Variants in TMEFF2 observed in about 807,000 individuals in gnomAD.
The protein encoded by TMEFF2 is tomoregulin-2.
A neutral mutation model predicts 53.8 loss-of-function variants in TMEFF2; 28 were observed. The ratio of observed to expected loss-of-function variants is 0.52; its 90% CI spans 0.39 to 0.71. The LOEUF (loss-of-function observed/expected upper bound fraction) is 0.71, where lower values mean the gene tolerates loss of function less well. TMEFF2 is among the 30% of genes least tolerant of loss of function. The probability of loss-of-function intolerance (pLI) is 0.00; values close to 1 mark genes in which losing one functional copy is unlikely to be tolerated. For missense variants in TMEFF2, 353 were observed against 455.2 expected, an observed-to-expected ratio of 0.78 and a Z score of 2.04; for synonymous variants, 162 against 166.3, an observed-to-expected ratio of 0.97 and a Z score of 0.20.
intron 7 of TMEFF2, among the ~76,000 whole-genome samples, chr2:191,971,628 A>T (rs1344484158): frequency 6.6e-6 from 1 of 152,168 alleles, no homozygotes; most frequent in East Asian, 1.9e-4. Context: ...AGGTTTCTAA[A>T]TTTACTAGAG....
At chr2:192,190,947 G>C (rs763954244) in intron 2 of TMEFF2, among the ~76,000 whole-genome samples, 1 of 151,750 alleles carries the variant, frequency 6.6e-6, no homozygotes, top group Non-Finnish European at 1.5e-5. Context: ...TTTTGTTTAT[G>C]TGCATATTTC....
At chr2:192,047,885 A>G (rs2105892850) in intron 5 of TMEFF2, among the ~76,000 whole-genome samples, 1 of 152,304 alleles carries the variant, frequency 6.6e-6, no homozygotes, top group South Asian at 2.1e-4. Flanking sequence ...CATACAATAT[A>G]TTACTATTTG....
intron 2 of TMEFF2, among the ~76,000 whole-genome samples, chr2:192,186,334 A>C (rs1182785875): frequency 1.3e-5 from 2 of 152,114 alleles, no homozygotes; most frequent in Admixed American, 6.5e-5. Context: ...GCAGGAGCAA[A>C]ATGCCTGTAA....
In TMEFF2 at chr2:192,075,328, T is replaced by TACAC. The variant is rs1460685761; in HGVS notation, c.440-17554_440-17553insGTGT. 7.9e-4 allele frequency among the ~76,000 whole-genome samples: 72 copies of TACAC among 90,752 alleles called. 3 individuals carry two copies. Among genetic ancestry groups the TACAC allele is most frequent in the African/African-American group, 2.6e-3 (59 of 22,588 alleles). The allele number at this position is 90,752 out of a possible 152,430, so 59.5% of individuals were successfully genotyped here. The stretch of plus-strand genomic sequence containing the variant: ...ATATATATATATATATATATATATA[T>TACAC]ATATACATACATACTATGTATATCC... On this transcript the variant is annotated intron_variant, in intron 4 of 9. Transcript: ENST00000272771.
chr2:192,144,215 T>C (rs747347520), intron 4 of TMEFF2, among the ~76,000 whole-genome samples: 17 of 152,102 alleles, frequency 1.1e-4, no homozygotes, highest in Non-Finnish European at 2.4e-4. Context: ...ACTCTCCCCA[T>C]TTTCTGATTT....
At chr2:191,965,479 C>G (rs1366642922) in intron 7 of TMEFF2, among the ~76,000 whole-genome samples, 1 of 152,164 alleles carries the variant, frequency 6.6e-6, no homozygotes, top group Non-Finnish European at 1.5e-5. Context: ...CCACCTAGGC[C>G]AGAGTGATCT....
intron 7 of TMEFF2, among the ~76,000 whole-genome samples, chr2:191,994,773 C>T (rs1574274590): frequency 1.3e-5 from 2 of 152,078 alleles, no homozygotes; most frequent in East Asian, 1.9e-4. Context: ...ACAGACCTAA[C>T]TCTAAGCCCA....
intron 5 of TMEFF2, among the ~76,000 whole-genome samples, chr2:192,054,260 C>T (rs561901087): frequency 2.6e-5 from 4 of 151,954 alleles, no homozygotes; most frequent in Non-Finnish European, 2.9e-5. Flanking sequence ...ATTTATTTCT[C>T]AGATGTAGGC....
chr2:191,973,984 C>T (rs1455318669), intron 7 of TMEFF2, among the ~76,000 whole-genome samples: 1 of 152,100 alleles, frequency 6.6e-6, no homozygotes, highest in African/African-American at 2.4e-5. Context: ...CAATTAAACC[C>T]CTTTCCTTTA....
At chr2:192,004,313 C>A (rs1686445340) in intron 5 of TMEFF2, among the ~76,000 whole-genome samples, 3 of 152,194 alleles carry the variant, frequency 2.0e-5, no homozygotes. Flanking sequence ...AGTTAGTAAT[C>A]TTGATGGCAT....
chr2:192,042,405 G>A (rs187789689), intron 5 of TMEFF2, among the ~76,000 whole-genome samples: 1 of 152,224 alleles, frequency 6.6e-6, no homozygotes, highest in Non-Finnish European at 1.5e-5. Flanking sequence ...GTGCAGTAAA[G>A]CAAAGCACAC....
At chr2:191,952,457 C>T (rs1691914680) in intron 9 of TMEFF2, among the ~76,000 whole-genome samples, 1 of 151,998 alleles carries the variant, frequency 6.6e-6, no homozygotes, top group African/African-American at 2.4e-5. Context: ...GCATAGTTTC[C>T]TATGTTTTAG....
At chr2:191,950,718 G>A (rs1053613336) in intron 9 of TMEFF2, among the ~76,000 whole-genome samples, 5 of 152,034 alleles carry the variant, frequency 3.3e-5, no homozygotes, top group African/African-American at 4.8e-5. Context: ...CAAGTCATGG[G>A]CCCATTTTAT....
At chr2:192,049,878 G>A (rs1282662839) in intron 5 of TMEFF2, among the ~76,000 whole-genome samples, 3 of 152,160 alleles carry the variant, frequency 2.0e-5, no homozygotes, top group African/African-American at 7.2e-5. Flanking sequence ...GCGACCGCCT[G>A]TAGTCCCAGC....
intron 8 of TMEFF2, 151 bp downstream of exon 8, chr2:191,956,104 G>T: frequency 2.7e-6 from 2 of 733,512 alleles, no homozygotes; most frequent in Non-Finnish European, 4.3e-6. Flanking sequence ...ATGTGTGTAT[G>T]TGTGTATGCA....
In TMEFF2 at chr2:192,075,304, T is replaced by TATAAATATATATATATATAAATATAA. The variant is rs1553518792; in HGVS notation, c.440-17530_440-17529insTTATATTTATATATATATATATTTAT. The stretch of plus-strand genomic sequence containing the variant: ...GTACTATTATATATATATATATATA[T>TATAAATATATATATATATAAATATAA]ATATATATATATATATATATATATA... On this transcript the variant is annotated intron_variant, in intron 4 of 9. Coordinates refer to ENST00000272771, the MANE Select transcript of TMEFF2 (RefSeq NM_016192.4). Among the ~76,000 whole-genome samples, 12 of 17,296 alleles carry TATAAATATATATATATATAAATATAA rather than the reference T, an allele frequency of 6.9e-4. No homozygotes were observed. The South Asian group carries it at 0.012, about 17-fold the overall frequency. The allele number at this position is 17,296 out of a possible 152,430, so 11.3% of individuals were successfully genotyped here. A position where few individuals can be genotyped will look rare whatever the true frequency, so the allele number is the denominator to read the frequency against.
At chr2:191,983,043 T>C (rs909998726) in intron 7 of TMEFF2, among the ~76,000 whole-genome samples, 7 of 152,168 alleles carry the variant, frequency 4.6e-5, no homozygotes, top group African/African-American at 1.7e-4. Flanking sequence ...GTGGGAACTC[T>C]GGCCTCCAGT....
At chr2:191,988,159 G>A (rs745700188) in intron 7 of TMEFF2, among the ~76,000 whole-genome samples, 42 of 152,164 alleles carry the variant, frequency 2.8e-4, no homozygotes, top group Admixed American at 1.5e-3. Flanking sequence ...TTGATGGAAT[G>A]TTAGGCTTAC....
chr2:191,974,675 A>T (rs183619321), intron 7 of TMEFF2, among the ~76,000 whole-genome samples: 93 of 151,746 alleles, frequency 6.1e-4, no homozygotes, highest in African/African-American at 2.2e-3. Flanking sequence ...ATGTTTCTTT[A>T]TTTTTTTTAA....
Sources: gnomAD v4.1 joint callset for allele counts (sites outside exome capture counted in the v4.1 genomes callset) on GRCh38, gnomAD v4.1.1 for gene constraint, MANE v1.5 for transcripts, NCBI Gene and HGNC (gene_info 2026-07-23, HGNC 2026-07-21) for gene names.